Variants in DRC11 observed in about 807,000 individuals in gnomAD.
The protein encoded by DRC11 is IQ and AAA domain-containing protein 1.
the DRC11 span, among the ~76,000 whole-genome samples, chr2:236,504,704 G>A: frequency 2.6e-5 from 4 of 152,118 alleles, no homozygotes; most frequent in Non-Finnish European, 5.9e-5. This position sits in a 1 kb window ranked among gnomAD's most constrained non-coding sequence, Gnocchi z 5.0. Flanking sequence ...GTTGTAAGAG[G>A]GACCCAGTGG....
chr2:236,436,178 A>C, the DRC11 span, among the ~76,000 whole-genome samples: 13 of 152,252 alleles, frequency 8.5e-5, no homozygotes, highest in South Asian at 2.1e-4. Context: ...CTTGTGTTAA[A>C]TTCCTGTTTA....
the DRC11 span, among the ~76,000 whole-genome samples, chr2:236,504,406 G>T: frequency 6.6e-6 from 1 of 152,202 alleles, no homozygotes; most frequent in South Asian, 2.1e-4. This position sits in a 1 kb window ranked among gnomAD's most constrained non-coding sequence, Gnocchi z 5.0. Flanking sequence ...GCTGCTAGAA[G>T]CATTCCTGTG....
At chr2:236,411,773 A>G in the DRC11 span, among the ~76,000 whole-genome samples, 5 of 148,520 alleles carry the variant, frequency 3.4e-5, no homozygotes, top group Non-Finnish European at 5.9e-5. Flanking sequence ...GGAAATCATC[A>G]TTCTCAGTAA....
the DRC11 span, among the ~76,000 whole-genome samples, chr2:236,492,977 C>T: frequency 6.6e-6 from 1 of 152,302 alleles, no homozygotes; most frequent in Non-Finnish European, 1.5e-5. Flanking sequence ...CAAGGTGATC[C>T]AAGTGTCACT....
chr2:236,467,900 C>G, the DRC11 span, among the ~76,000 whole-genome samples: 4 of 152,172 alleles, frequency 2.6e-5, no homozygotes, highest in African/African-American at 9.7e-5. Context: ...TACACACACT[C>G]TCTAAGAAAT....
At chr2:236,459,689 A>G in the DRC11 span, among the ~76,000 whole-genome samples, 5,987 of 128,464 alleles carry the variant, frequency 0.047, 334 homozygotes, top group East Asian at 0.18. Context: ...ATGTATATAC[A>G]TATATACATA....
the DRC11 span, among the ~76,000 whole-genome samples, chr2:236,315,656 T>C: frequency 6.6e-6 from 1 of 152,134 alleles, no homozygotes; most frequent in Non-Finnish European, 1.5e-5. The surrounding 1 kb of genome is among the most constrained non-coding windows in gnomAD (Gnocchi z 5.1). Context: ...ATATGCACAA[T>C]GGAATACCAT....
the DRC11 span, among the ~76,000 whole-genome samples, chr2:236,353,599 A>C: frequency 1.3e-5 from 2 of 152,142 alleles, no homozygotes; most frequent in East Asian, 1.9e-4. The surrounding 1 kb of genome is among the most constrained non-coding windows in gnomAD (Gnocchi z 5.0). Flanking sequence ...AGGAAAAAAA[A>C]CAGCTACTAT....
chr2:236,485,766 A>G, the DRC11 span, among the ~76,000 whole-genome samples: 1 of 152,212 alleles, frequency 6.6e-6, no homozygotes, highest in Non-Finnish European at 1.5e-5. Flanking sequence ...GGCCAATTGC[A>G]GTTCAATGAA....
chr2:236,407,747 G>C, the DRC11 span: 1 of 274,308 alleles, frequency 3.6e-6, no homozygotes, highest in Non-Finnish European at 7.1e-6. Context: ...CCTCCTCACT[G>C]CCTCCATCAT....
At chr2:236,315,090 A>G in the DRC11 span, among the ~76,000 whole-genome samples, 15 of 152,338 alleles carry the variant, frequency 9.8e-5, no homozygotes, top group African/African-American at 3.1e-4. The surrounding 1 kb of genome is among the most constrained non-coding windows in gnomAD (Gnocchi z 5.1). Flanking sequence ...AGAATGATAG[A>G]CAGATGCAGT....
chr2:236,376,536 A>G, the DRC11 span, among the ~76,000 whole-genome samples: 1 of 152,210 alleles, frequency 6.6e-6, no homozygotes, highest in African/African-American at 2.4e-5. This position sits in a 1 kb window ranked among gnomAD's most constrained non-coding sequence, Gnocchi z 5.7. Flanking sequence ...AGTAAAACTA[A>G]TAACTGCATT....
the DRC11 span, among the ~76,000 whole-genome samples, chr2:236,434,976 C>T: frequency 2.0e-5 from 3 of 152,066 alleles, no homozygotes; most frequent in South Asian, 6.2e-4. The surrounding 1 kb of genome is among the most constrained non-coding windows in gnomAD (Gnocchi z 5.5). Context: ...ATAATAGGGT[C>T]AATATTTGGT....
chr2:236,503,374 G>A, the DRC11 span, among the ~76,000 whole-genome samples: 4 of 152,178 alleles, frequency 2.6e-5, no homozygotes, highest in African/African-American at 7.2e-5. This position sits in a 1 kb window ranked among gnomAD's most constrained non-coding sequence, Gnocchi z 4.9. Context: ...GAGCCCAGTC[G>A]CTCCAGGTCA....
At chr2:236,383,318 G>A in the DRC11 span, among the ~76,000 whole-genome samples, 1 of 152,026 alleles carries the variant, frequency 6.6e-6, no homozygotes, top group Non-Finnish European at 1.5e-5. Flanking sequence ...ATTTCTGAAG[G>A]TATTTAAATC....
At chr2:236,356,193 G>A in the DRC11 span, among the ~76,000 whole-genome samples, 20 of 152,192 alleles carry the variant, frequency 1.3e-4, no homozygotes, top group African/African-American at 2.6e-4. Flanking sequence ...GGCAGAGAGG[G>A]CCCTCGACCC....
At chr2:236,453,861 C>G in the DRC11 span, among the ~76,000 whole-genome samples, 1 of 152,078 alleles carries the variant, frequency 6.6e-6, no homozygotes, top group African/African-American at 2.4e-5. The surrounding 1 kb of genome is among the most constrained non-coding windows in gnomAD (Gnocchi z 4.9). Context: ...AGGCTGGTCT[C>G]GAACTCCTGA....
chr2:236,459,520 T>TGTATACGTATAC, the DRC11 span, among the ~76,000 whole-genome samples: 3,047 of 112,632 alleles, frequency 0.027, 89 homozygotes, highest in Non-Finnish European at 0.035. Flanking sequence ...TACGTATACA[T>TGTATACGTATAC]GTATACATGT....
chr2:236,365,858 C>T, the DRC11 span, among the ~76,000 whole-genome samples: 5 of 152,112 alleles, frequency 3.3e-5, no homozygotes, highest in Admixed American at 6.5e-5. The surrounding 1 kb of genome is among the most constrained non-coding windows in gnomAD (Gnocchi z 7.4). Flanking sequence ...CTGCCCCTCT[C>T]GTAGAGTTAC....
Sources: allele counts gnomAD v4.1 joint callset (sites outside exome capture counted in the v4.1 genomes callset), GRCh38; gene constraint gnomAD v4.1.1; non-coding constraint Gnocchi (gnomAD v3.1); transcripts MANE v1.5; gene names NCBI Gene and HGNC (gene_info 2026-07-23, HGNC 2026-07-21).